Variants in DAPK2 observed in about 807,000 individuals in gnomAD.
DAPK2 encodes death associated protein kinase 2.
Under a neutral mutation model 44.1 loss-of-function variants are expected in DAPK2, and 35 were observed. The ratio of observed to expected loss-of-function variants is 0.79; its 90% CI spans 0.61 to 1.05. The LOEUF (loss-of-function observed/expected upper bound fraction) is 1.05, where lower values mean the gene tolerates loss of function less well. Ranked by LOEUF, DAPK2 falls within the 50% of genes least tolerant of loss-of-function variation. The probability of loss-of-function intolerance (pLI) is 0.00; values close to 1 mark genes in which losing one functional copy is unlikely to be tolerated. For synonymous variants in DAPK2, 174 were observed against 182.6 expected (o/e 0.95, Z 0.38); for missense variants, 453 against 483.2 (o/e 0.94, Z 0.59).
chr15:63,958,612 T>A (rs562383193), intron 3 of DAPK2, among the ~76,000 whole-genome samples: 159 of 152,346 alleles, frequency 1.0e-3, no homozygotes, highest in African/African-American at 3.8e-3. Flanking sequence ...AAAAAGGGAA[T>A]CCTTTCCCCA....
rs949919374 is a variant in DAPK2 at position 64,005,388 on chromosome 15, C to T, written c.93-21634G>A. ...GTTCAGCCACCACAGATACTAGATA[C>T]AAGAGCAGAAACTTACCTTTCCTTG... On this transcript the variant is annotated intron_variant, in intron 1 of 10. Transcript: ENST00000261891. Among the ~76,000 whole-genome samples, 5 of 150,738 alleles carry T rather than the reference C, an allele frequency of 3.3e-5. 1 individual carries two copies. The highest frequency in any genetic ancestry group is 1.3e-4 in the Admixed American group (2 of 15,022).
At chr15:63,928,902 C>T (rs2079407603) in intron 6 of DAPK2, among the ~76,000 whole-genome samples, 1 of 152,050 alleles carries the variant, frequency 6.6e-6, no homozygotes, top group Non-Finnish European at 1.5e-5. Context: ...CAGGGCTGTC[C>T]CAAGAGTTCT....
At chr15:63,965,851 G>C (rs1384173033) in intron 3 of DAPK2, among the ~76,000 whole-genome samples, 1 of 152,216 alleles carries the variant, frequency 6.6e-6, no homozygotes, top group East Asian at 1.9e-4. Flanking sequence ...CTTCAGGGCA[G>C]TGGGCTCCCC....
chr15:63,924,748 T>A, intron 8 of DAPK2, 68 bp downstream of exon 9: 2 of 1,575,284 alleles, frequency 1.3e-6, no homozygotes, highest in Middle Eastern at 1.8e-4. Flanking sequence ...TGCATCTGGC[T>A]GCCCAGGCCA....
chr15:63,966,906 C>T lies in DAPK2; in HGVS notation c.453+4517G>A, dbSNP rs908859174. Among the ~76,000 whole-genome samples, 5 of 152,252 alleles carry T rather than the reference C, an allele frequency of 3.3e-5. No individual in the cohort carries two copies. Among genetic ancestry groups the T allele is most frequent in the Admixed American group, 6.5e-5 (1 of 15,296 alleles). Reference sequence around the variant, plus strand: ...TTAAAACCAGGTACTGTGGGCCGGGCGCAGTGGCTCACACCTGTAATCCCA... The same window carrying T: ...TTAAAACCAGGTACTGTGGGCCGGGTGCAGTGGCTCACACCTGTAATCCCA... On this transcript the variant is annotated intron_variant, in intron 3 of 10. Transcript: ENST00000261891. This position sits in a 1 kb window ranked among gnomAD's most constrained non-coding sequence, Gnocchi z 5.5.
intron 2 of DAPK2, among the ~76,000 whole-genome samples, chr15:63,978,692 C>G (rs1253676075): frequency 6.6e-6 from 1 of 152,134 alleles, no homozygotes; most frequent in Non-Finnish European, 1.5e-5. Context: ...CATTTCTTTA[C>G]CCTCTAAGAC....
At chr15:63,987,635 C>T (rs8040233) in intron 1 of DAPK2, among the ~76,000 whole-genome samples, 86,833 of 152,020 alleles carry the variant, frequency 0.57, 25,887 homozygotes, top group Non-Finnish European at 0.66. Context: ...CAGGGAGCTG[C>T]CTTTTCAGTT....
At chr15:63,925,817 C>T (rs1411988656) in intron 7 of DAPK2, 124 bp downstream of exon 8, 7 of 1,267,036 alleles carry the variant, frequency 5.5e-6, no homozygotes, top group Middle Eastern at 2.5e-4. Context: ...AGCACCTGCC[C>T]GGATTAGACC....
At chr15:63,924,125 G>C (rs1225724103) in intron 8 of DAPK2, among the ~76,000 whole-genome samples, 1 of 152,178 alleles carries the variant, frequency 6.6e-6, no homozygotes. Flanking sequence ...ATTAGGGCCT[G>C]AATCCTGCTG....
At chr15:64,037,116 C>T (rs1308594264) in intron 1 of DAPK2, among the ~76,000 whole-genome samples, 1 of 152,140 alleles carries the variant, frequency 6.6e-6, no homozygotes, top group Non-Finnish European at 1.5e-5. Flanking sequence ...GAACCCAAAC[C>T]CCAACCCATG....
At chr15:64,033,378 G>T (rs113534608) in intron 1 of DAPK2, among the ~76,000 whole-genome samples, 6 of 150,464 alleles carry the variant, frequency 4.0e-5, no homozygotes, top group African/African-American at 1.2e-4. Context: ...CACCCGCCTC[G>T]GCCTCCGAAA....
At chr15:64,005,535 T>G (rs1436223011) in intron 1 of DAPK2, among the ~76,000 whole-genome samples, 1 of 152,014 alleles carries the variant, frequency 6.6e-6, no homozygotes, top group Admixed American at 6.6e-5. Flanking sequence ...GACAGCCATG[T>G]GCCCTCCCAA....
chr15:63,963,413 C>T (rs1321185107), intron 3 of DAPK2, among the ~76,000 whole-genome samples: 3 of 152,244 alleles, frequency 2.0e-5, no homozygotes, highest in South Asian at 2.1e-4. Flanking sequence ...TCTTCTGCGT[C>T]GCTCACGCTG....
chr15:64,023,877 G>C (rs137952096), intron 1 of DAPK2, among the ~76,000 whole-genome samples: 6 of 152,214 alleles, frequency 3.9e-5, no homozygotes, highest in African/African-American at 1.2e-4. Context: ...TGCATCGTGC[G>C]GGGGTCAGAG....
upstream of DAPK2, among the ~76,000 whole-genome samples, chr15:64,043,432 G>C (rs1414430741): frequency 6.6e-6 from 1 of 152,200 alleles, no homozygotes; most frequent in Non-Finnish European, 1.5e-5. Context: ...ACAGCAATAA[G>C]AATTAACAAA....
chr15:63,935,089 C>CTTTTTTTTT (rs35739549), intron 4 of DAPK2, among the ~76,000 whole-genome samples: 1 of 124,478 alleles, frequency 8.0e-6, no homozygotes. Context: ...TCTTTGCCTT[C>CTTTTTTTTT]TTTTTTTTTT....
intron 1 of DAPK2, among the ~76,000 whole-genome samples, chr15:64,016,009 G>A (rs183164072): frequency 1.6e-4 from 24 of 152,352 alleles, no homozygotes; most frequent in Admixed American, 6.5e-4. Flanking sequence ...AGGGAAAGGG[G>A]GCATAGGGAG....
intron 1 of DAPK2, among the ~76,000 whole-genome samples, chr15:64,016,792 G>A (rs2079537350): frequency 7.0e-6 from 1 of 143,418 alleles, no homozygotes; most frequent in Non-Finnish European, 1.5e-5. Flanking sequence ...AAAGAAAGGA[G>A]GAAAGAAAGA....
chr15:64,011,269 A>T (rs944783105), intron 1 of DAPK2, among the ~76,000 whole-genome samples: 1 of 152,184 alleles, frequency 6.6e-6, no homozygotes, highest in African/African-American at 2.4e-5. Flanking sequence ...GAGAGTAAAG[A>T]TGATCTCAAG....
Sources: allele counts gnomAD v4.1 joint callset (sites outside exome capture counted in the v4.1 genomes callset), GRCh38; gene constraint gnomAD v4.1.1; non-coding constraint Gnocchi (gnomAD v3.1); transcripts MANE v1.5; gene names NCBI Gene and HGNC (gene_info 2026-07-23, HGNC 2026-07-21).